The following YWHAG variants were observed in gnomAD, a reference collection of about 807,000 sequenced individuals.
YWHAG encodes tyrosine 3-monooxygenase/tryptophan 5-monooxygenase activation protein gamma, also known as 14-3-3 protein gamma.
In YWHAG, 1 loss-of-function variant was observed where a neutral mutation model predicts 23.3. The ratio of observed to expected loss-of-function variants is 0.04; its 90% confidence interval spans 0.02 to 0.20. The LOEUF is 0.20. Among genes scored for constraint, YWHAG ranks in the 10% least tolerant of loss-of-function variants. The pLI is 1.00. For missense variants in YWHAG, 151 were observed against 338.6 expected (o/e 0.45, Z 4.35); for synonymous variants, 160 against 144.0 (o/e 1.11, Z -0.80).
intron 1 of YWHAG, among the ~76,000 whole-genome samples, chr7:76,354,328 T>C (rs149795748): frequency 0.012 from 1,891 of 152,088 alleles, 19 homozygotes; most frequent in Non-Finnish European, 0.021. Context: ...CTGGCCAACA[T>C]GGTGAAACCC....
At chr7:76,344,394 T>C (rs1246404294) in intron 1 of YWHAG, among the ~76,000 whole-genome samples, 1 of 152,146 alleles carries the variant, frequency 6.6e-6, no homozygotes, top group East Asian at 1.9e-4. Flanking sequence ...TTTTTAACAA[T>C]TAGGGCACAT....
At chr7:76,348,303 GGCTAGAGT>G (rs1803818212) in intron 1 of YWHAG, among the ~76,000 whole-genome samples, 1 of 146,804 alleles carries the variant, frequency 6.8e-6, no homozygotes, top group African/African-American at 2.5e-5. Flanking sequence ...GTGTCGCCCA[GGCTAGAGT>G]GCAGTGGCAC....
At position 76,327,945 on chromosome 7, in the gene YWHAG, T is replaced by A. The variant is rs1003801483; in HGVS notation, c.*1632A>T. 1 of 152,122 alleles carries A rather than the reference T, an allele frequency of 6.6e-6. No homozygotes were observed. The highest frequency in any genetic ancestry group is 2.4e-5 in the African/African-American group (1 of 41,412). 9.4% of individuals were successfully genotyped at this position (152,122 alleles called of 1,614,324 possible). A position where few individuals can be genotyped will look rare whatever the true frequency, so the allele number is the denominator to read the frequency against. ...GTTACACATACTCAGTTCCTAATTGTAAGCTCAATTTTGGTATTAGCAAAA... is the reference window on the plus strand; with the variant it reads ...GTTACACATACTCAGTTCCTAATTGAAAGCTCAATTTTGGTATTAGCAAAA... On this transcript the variant is annotated 3_prime_UTR_variant, in exon 2 of 2. Coordinates refer to ENST00000307630, the MANE Select transcript of YWHAG (RefSeq NM_012479.4).
intron 1 of YWHAG, among the ~76,000 whole-genome samples, chr7:76,346,002 A>G (rs1268338372): frequency 6.6e-6 from 1 of 152,228 alleles, no homozygotes; most frequent in Non-Finnish European, 1.5e-5. Flanking sequence ...ATGCATTTCA[A>G]TCCCACCTCT....
In YWHAG at chr7:76,358,754, G is replaced by T. The variant is rs746573987; in HGVS notation, c.55C>A (p.Arg19Ser). ...QKARLAEQAE[R>S]YDDMAAAMKN... ...ATGGCCGCGGCCATGTCGTCGTAGC[G>T]CTCCGCCTGCTCGGCCAGCCGGGCT... Residue 19 changes from arginine to serine, a missense_variant, in exon 1 of 2, where the codon CGC becomes AGC. Physicochemically the swap from Arg to Ser is moderately radical, Grantham distance 110. Transcript: ENST00000307630. 1 of 1,593,244 alleles carries T rather than the reference G, an allele frequency of 6.3e-7. No individual in the cohort carries two copies. Among genetic ancestry groups the T allele is most frequent in the Non-Finnish European group, 8.5e-7 (1 of 1,171,408 alleles).
chr7:76,327,689 C>CCCCCCA lies in YWHAG; in HGVS notation c.*1887_*1888insTGGGGG, dbSNP rs1803468773. On this transcript the variant is annotated 3_prime_UTR_variant, in exon 2 of 2. Transcript: ENST00000307630. Reference sequence around the variant, plus strand: ...CCCTGCCCCCCCCCCCCTCCCCCCCCAAATCGTCTTCCTCCCATGGCAATG... The same window carrying CCCCCCA: ...CCCTGCCCCCCCCCCCCTCCCCCCCCCCCCCAAAATCGTCTTCCTCCCATGGCAATG... The CCCCCCA allele has an allele frequency of 1.8e-5, 2 of 110,178 alleles. No individual in the cohort carries two copies. Among genetic ancestry groups the CCCCCCA allele is most frequent in the South Asian group, 3.3e-4 (1 of 3,030 alleles). 6.8% of individuals were successfully genotyped at this position (110,178 alleles called of 1,614,324 possible).
At chr7:76,337,005 C>T (rs1213929434) in intron 1 of YWHAG, among the ~76,000 whole-genome samples, 2 of 152,216 alleles carry the variant, frequency 1.3e-5, no homozygotes, top group African/African-American at 4.8e-5. Flanking sequence ...GGATGGGACA[C>T]GGTTCTCCTT....
intron 1 of YWHAG, among the ~76,000 whole-genome samples, chr7:76,353,841 G>C (rs1428106580): frequency 6.6e-6 from 1 of 151,928 alleles, no homozygotes; most frequent in Non-Finnish European, 1.5e-5. Context: ...GGCCAAGATG[G>C]GCAGACTGCT....
intron 1 of YWHAG, among the ~76,000 whole-genome samples, chr7:76,348,433 T>G (rs1803820222): frequency 6.6e-6 from 1 of 150,552 alleles, no homozygotes; most frequent in African/African-American, 2.4e-5. Context: ...TTTTTTTTTT[T>G]TTTTTTTTGA....
rs1804008248 is a variant in YWHAG at position 76,358,941 on chromosome 7, CGGA to C, written c.-136_-134del. On this transcript the variant is annotated 5_prime_UTR_variant, in exon 1 of 2. Coordinates refer to ENST00000307630, the MANE Select transcript of YWHAG (RefSeq NM_012479.4). The stretch of plus-strand genomic sequence containing the variant: ...GCGAGCAGCTGAGGCGGCGGCTGCG[CGGA>C]GGAGGCGGCTGGAGCTGCGACCGCG... 2.5e-5 allele frequency: 20 copies of C among 791,708 alleles called. No homozygotes were observed. In the South Asian group the frequency reaches 5.5e-4, roughly 22 times the overall value. The allele number at this position is 791,708 out of a possible 1,614,324, so 49.0% of individuals were successfully genotyped here. A position where few individuals can be genotyped will look rare whatever the true frequency, so the allele number is the denominator to read the frequency against.
intron 1 of YWHAG, among the ~76,000 whole-genome samples, chr7:76,335,605 C>T (rs1461875063): frequency 6.6e-6 from 1 of 152,184 alleles, no homozygotes; most frequent in East Asian, 1.9e-4. Flanking sequence ...TGACCTTAAG[C>T]CATGGAGTAC....
Position 76,329,489 on chromosome 7 carries a change from T to TGCCCCCCCC in YWHAG, c.*87_*88insGGGGGGGGC. On this transcript the variant is annotated 3_prime_UTR_variant, in exon 2 of 2. Transcript: ENST00000307630. This position sits in a 1 kb window ranked among gnomAD's most constrained non-coding sequence, Gnocchi z 6.1. ...TCCCTGGGAAGGTCATCCCTCCCTTTCCCTCCCCCACCCGACCCCCAACTC... is the reference window on the plus strand; with the variant it reads ...TCCCTGGGAAGGTCATCCCTCCCTTTGCCCCCCCCCCCTCCCCCACCCGACCCCCAACTC... 2.9e-6 allele frequency: 3 copies of TGCCCCCCCC among 1,024,224 alleles called. No individual in the cohort carries two copies. Among genetic ancestry groups the TGCCCCCCCC allele is most frequent in the Non-Finnish European group, 2.7e-6 (2 of 740,078 alleles). 63.4% of individuals were successfully genotyped at this position (1,024,224 alleles called of 1,614,324 possible).
intron 1 of YWHAG, among the ~76,000 whole-genome samples, chr7:76,344,922 T>A (rs1207043312): frequency 1.3e-5 from 2 of 152,204 alleles, no homozygotes; most frequent in African/African-American, 4.8e-5. Context: ...CCCTGCAAAG[T>A]TCATGGAGAC....
chr7:76,342,186 T>G (rs1469748538), intron 1 of YWHAG, among the ~76,000 whole-genome samples: 1 of 152,156 alleles, frequency 6.6e-6, no homozygotes, highest in African/African-American at 2.4e-5. Flanking sequence ...TTGTTTAGAT[T>G]TATGCACAGC....
chr7:76,332,494 T>C (rs933531742), intron 1 of YWHAG, among the ~76,000 whole-genome samples: 1 of 152,206 alleles, frequency 6.6e-6, no homozygotes, highest in Non-Finnish European at 1.5e-5. Context: ...TAAGGTAATA[T>C]ACAGGTATAT....
intron 1 of YWHAG, among the ~76,000 whole-genome samples, chr7:76,347,632 T>C (rs1803801246): frequency 6.6e-6 from 1 of 152,116 alleles, no homozygotes; most frequent in South Asian, 2.1e-4. Context: ...TACGAAAATA[T>C]CTTATATACA....
In YWHAG at chr7:76,354,573, T is replaced by C. The variant is rs78443195; in HGVS notation, c.87+4149A>G. 2.2e-3 allele frequency among the ~76,000 whole-genome samples: 342 copies of C among 152,272 alleles called. 11 individuals are homozygous for C. The East Asian group carries it at 0.046, about 21-fold the overall frequency. ...TAAAATAAGGTTAGGACTGCTGATA[T>C]TGGGAATGGGCAAAGAAGGGAAAAG... is the stretch of plus-strand genomic sequence containing the variant. On this transcript the variant is annotated intron_variant, in intron 1 of 1. Coordinates refer to ENST00000307630, the MANE Select transcript of YWHAG (RefSeq NM_012479.4).
intron 1 of YWHAG, among the ~76,000 whole-genome samples, chr7:76,356,043 T>C (rs1003102810): frequency 2.0e-5 from 3 of 152,246 alleles, no homozygotes; most frequent in Non-Finnish European, 4.4e-5. Context: ...ACTATCATTC[T>C]GCACAGATCC....
Position 76,358,928 on chromosome 7 carries a change from GGC to G in YWHAG, c.-122_-121del. On this transcript the variant is annotated 5_prime_UTR_variant, in exon 1 of 2. Coordinates refer to ENST00000307630, the MANE Select transcript of YWHAG (RefSeq NM_012479.4). ...ACCGACCCACAGAGCGAGCAGCTGAGGCGGCGGCTGCGCGGAGGAGGCGGCTG... is the reference window on the plus strand; with the variant it reads ...ACCGACCCACAGAGCGAGCAGCTGAGGGCGGCTGCGCGGAGGAGGCGGCTG... 1.1e-6 allele frequency: 1 copy of G among 941,110 alleles called. No individual in the cohort carries two copies. Among genetic ancestry groups the G allele is most frequent in the Non-Finnish European group, 1.5e-6 (1 of 687,022 alleles). 58.3% of individuals were successfully genotyped at this position (941,110 alleles called of 1,614,324 possible). A position where few individuals can be genotyped will look rare whatever the true frequency, so the allele number is the denominator to read the frequency against.
Sources: allele counts gnomAD v4.1 joint callset (sites outside exome capture counted in the v4.1 genomes callset), GRCh38; gene constraint gnomAD v4.1.1; non-coding constraint Gnocchi (gnomAD v3.1); transcripts MANE v1.5; gene names NCBI Gene and HGNC (gene_info 2026-07-23, HGNC 2026-07-21).